Variants in DPP6 observed in about 807,000 individuals in gnomAD.
DPP6 encodes dipeptidyl peptidase like 6.
In DPP6, 69 loss-of-function variants were observed where a neutral mutation model predicts 122.6. The ratio of observed to expected loss-of-function variants is 0.56; its 90% confidence interval spans 0.46 to 0.69. DPP6 has a LOEUF of 0.69. Ranked by LOEUF, DPP6 falls within the 30% of genes least tolerant of loss-of-function variation. DPP6 has a pLI of 0.00. For missense variants in DPP6, 928 were observed against 1,116.9 expected (o/e 0.83, Z 2.41); for synonymous variants, 418 against 433.1 (o/e 0.97, Z 0.43).
chr7:154,062,042 A>C (rs1468476906), intron 1 of DPP6, among the ~76,000 whole-genome samples: 1 of 100,502 alleles, frequency 1.0e-5, no homozygotes, highest in African/African-American at 3.8e-5. Context: ...CCCGCGAGGC[A>C]GGGACTGACA....
Position 154,867,997 on chromosome 7 carries a change from A to G in DPP6, c.1717A>G (p.Met573Val). The change falls in exon 18 of 26, where the codon ATG becomes GTG. Residue 573 changes from methionine to valine, a missense_variant and splice_region_variant. Transcript: ENST00000377770. ...TVHNTTDKKK[M>V]FDLETNEHVK... ...TGTCCCTGTTTCCTCTCTTTCAGAAATGTTTGACCTAGAAACAAATGAACA... is the reference window on the plus strand; with the variant it reads ...TGTCCCTGTTTCCTCTCTTTCAGAAGTGTTTGACCTAGAAACAAATGAACA... 6.3e-7 allele frequency: 1 copy of G among 1,596,910 alleles called. No individual in the cohort carries two copies. Among genetic ancestry groups the G allele is most frequent in the Non-Finnish European group, 8.5e-7 (1 of 1,171,808 alleles).
chr7:154,804,398 G>T (rs181048309), intron 14 of DPP6, among the ~76,000 whole-genome samples: 2 of 152,318 alleles, frequency 1.3e-5, no homozygotes, highest in East Asian at 3.9e-4. Context: ...GTTGGTAGCG[G>T]GTAGATTTGG....
chr7:153,939,941 A>G (rs1346713685), intron 1 of DPP6, among the ~76,000 whole-genome samples: 1 of 152,200 alleles, frequency 6.6e-6, no homozygotes, highest in Non-Finnish European at 1.5e-5. Context: ...GTCGAGAAAC[A>G]TGCCCGATCG....
chr7:153,848,292 C>G, the DPP6 span, among the ~76,000 whole-genome samples: 8 of 151,360 alleles, frequency 5.3e-5, no homozygotes, highest in East Asian at 9.8e-4. Context: ...CCCCGCTCCC[C>G]GAGAGAGCAG....
In DPP6 at chr7:154,373,895, G is replaced by T. The variant is rs539516048; in HGVS notation, c.244-72319G>T. Among the ~76,000 whole-genome samples the T allele has an allele frequency of 8.5e-5, 13 of 152,282 alleles. No individual in the cohort carries two copies. The South Asian group carries it at 1.9e-3, about 22-fold the overall frequency. ...GAATCTGATGGTATTTGTCCTTTGT[G>T]CCTGGATTATTCCGTGTAGCATAAC... On this transcript the variant is annotated intron_variant, in intron 1 of 25. Transcript: ENST00000377770.
intron 10 of DPP6, among the ~76,000 whole-genome samples, chr7:154,775,705 AGACCGCCC>A (rs1796517978): frequency 1.3e-5 from 2 of 152,122 alleles, no homozygotes; most frequent in African/African-American, 4.8e-5. Context: ...AGCAGGGTTG[AGACCGCCC>A]CTGCAATTGG....
intron 7 of DPP6, among the ~76,000 whole-genome samples, chr7:154,721,288 C>G (rs1416399265): frequency 6.6e-6 from 1 of 152,212 alleles, no homozygotes. Context: ...TTGGGCAAGG[C>G]ATTTAACTGC....
chr7:154,748,501 C>T (rs368657667), intron 8 of DPP6, among the ~76,000 whole-genome samples: 1 of 152,204 alleles, frequency 6.6e-6, no homozygotes, highest in South Asian at 2.1e-4. Context: ...TGCCAACACC[C>T]GCGGCACTAG....
At position 154,420,091 on chromosome 7, in the gene DPP6, C is replaced by T. The variant is rs189403519; in HGVS notation, c.244-26123C>T. Among the ~76,000 whole-genome samples, 12 of 152,194 alleles carry T rather than the reference C, an allele frequency of 7.9e-5. No homozygotes were observed. The East Asian group carries it at 2.3e-3, about 29-fold the overall frequency. ...GTGGCTTTTGCCTGTAATCCCAACACTTTGGGAGGCTGAGGCAGGCGGACC... is the reference window on the plus strand; with the variant it reads ...GTGGCTTTTGCCTGTAATCCCAACATTTTGGGAGGCTGAGGCAGGCGGACC... On this transcript the variant is annotated intron_variant, in intron 1 of 25. Coordinates refer to ENST00000377770, the MANE Select transcript of DPP6 (RefSeq NM_130797.4).
chr7:154,787,582 A>T (rs2049482), intron 10 of DPP6, among the ~76,000 whole-genome samples: 84,796 of 152,008 alleles, frequency 0.56, 23,975 homozygotes, highest in Admixed American at 0.62. Context: ...ATTTCTTCTT[A>T]TATGCGAACT....
At position 154,893,128 on chromosome 7, in the gene DPP6, G is replaced by C. The variant is rs1437769547; in HGVS notation, c.*648G>C. The C allele has an allele frequency of 2.8e-6, 1 of 351,840 alleles. No homozygotes were observed. The highest frequency in any genetic ancestry group is 5.6e-6 in the Non-Finnish European group (1 of 178,154). 21.8% of individuals were successfully genotyped at this position (351,840 alleles called of 1,614,324 possible). ...CTGATGCTCCACTGTCTCCGTCATG[G>C]GGTTGTTTTGCTGTTTGGGGTTGGG... On this transcript the variant is annotated 3_prime_UTR_variant, in exon 26 of 26. Coordinates refer to ENST00000377770, the MANE Select transcript of DPP6 (RefSeq NM_130797.4).
intron 1 of DPP6, among the ~76,000 whole-genome samples, chr7:154,133,671 G>T (rs115747496): frequency 0.013 from 2,026 of 151,948 alleles, 47 homozygotes; most frequent in African/African-American, 0.046. Context: ...AGGAAAAATG[G>T]CAGGGTGGGG....
intron 1 of DPP6, among the ~76,000 whole-genome samples, chr7:154,421,824 A>G (rs1563641419): frequency 6.6e-6 from 1 of 152,220 alleles, no homozygotes; most frequent in Non-Finnish European, 1.5e-5. Context: ...TAAATTAAAC[A>G]CTGGCATGTG....
At chr7:153,943,378 T>A (rs914050479) in intron 1 of DPP6, among the ~76,000 whole-genome samples, 1 of 152,298 alleles carries the variant, frequency 6.6e-6, no homozygotes, top group Non-Finnish European at 1.5e-5. Context: ...ATTTCAGACA[T>A]CAGATCAATT....
intron 1 of DPP6, among the ~76,000 whole-genome samples, chr7:154,161,239 G>T (rs1316269102): frequency 6.6e-6 from 1 of 152,286 alleles, no homozygotes; most frequent in Non-Finnish European, 1.5e-5. Flanking sequence ...CATTACCTTT[G>T]TAAACCCAGC....
the DPP6 span, among the ~76,000 whole-genome samples, chr7:153,838,438 A>T: frequency 6.6e-6 from 1 of 152,196 alleles, no homozygotes; most frequent in African/African-American, 2.4e-5. Flanking sequence ...TTACCCCTGG[A>T]TAATAACTCT....
intron 1 of DPP6, among the ~76,000 whole-genome samples, chr7:154,061,418 G>T (rs2429608): frequency 6.3e-5 from 9 of 143,242 alleles, no homozygotes; most frequent in Non-Finnish European, 1.4e-4. Flanking sequence ...GGCTGAGGCC[G>T]GTAGCCTACA....
rs574110729 is a variant in DPP6 at position 154,875,291 on chromosome 7, G to A, written c.1884-615G>A. Among the ~76,000 whole-genome samples, 15 of 152,258 alleles carry A rather than the reference G, an allele frequency of 9.9e-5. No homozygotes were observed. In the East Asian group the frequency reaches 1.9e-3, roughly 20 times the overall value. On this transcript the variant is annotated intron_variant, in intron 19 of 25. Coordinates refer to ENST00000377770, the MANE Select transcript of DPP6 (RefSeq NM_130797.4). The surrounding 1 kb of genome is among the most constrained non-coding windows in gnomAD (Gnocchi z 4.5). ...CCTTTCAGCCAGCAGTGCTGGGCTC[G>A]CAAATGAAGAGCTGGGAGGAGAGCA... is the stretch of plus-strand genomic sequence containing the variant.
chr7:153,974,971 C>T (rs1208291497), intron 1 of DPP6, among the ~76,000 whole-genome samples: 1 of 152,194 alleles, frequency 6.6e-6, no homozygotes, highest in East Asian at 1.9e-4. Flanking sequence ...TCGACCATGT[C>T]CAAGCGAGGG....
Sources: allele counts gnomAD v4.1 joint callset (sites outside exome capture counted in the v4.1 genomes callset), GRCh38; gene constraint gnomAD v4.1.1; non-coding constraint Gnocchi (gnomAD v3.1); transcripts MANE v1.5; gene names NCBI Gene and HGNC (gene_info 2026-07-23, HGNC 2026-07-21).